Variants in MAF observed in about 807,000 individuals in gnomAD.
The protein encoded by MAF is MAF bZIP transcription factor.
In MAF, 10 loss-of-function variants were observed where a neutral mutation model predicts 22.0. The ratio of observed to expected loss-of-function variants is 0.45; its 90% CI spans 0.28 to 0.77. MAF has a LOEUF of 0.77. Ranked by LOEUF, MAF falls within the 30% of genes least tolerant of loss-of-function variation. The pLI, the probability that MAF is intolerant of heterozygous loss-of-function variation, is 0.12. For synonymous variants in MAF, 337 were observed against 255.8 expected (o/e 1.32, Z -3.03); for missense variants, 544 against 548.4 (o/e 0.99, Z 0.08).
chr16:79,518,056 T>A, the MAF span, among the ~76,000 whole-genome samples: 3 of 152,248 alleles, frequency 2.0e-5, no homozygotes, highest in Non-Finnish European at 4.4e-5. Flanking sequence ...AGCACTCACT[T>A]GATGCCGGGC....
chr16:79,323,414 CTG>C, the MAF span, among the ~76,000 whole-genome samples: 2 of 152,130 alleles, frequency 1.3e-5, no homozygotes, highest in South Asian at 4.2e-4. Flanking sequence ...AAATACATCT[CTG>C]TGTTGTTTCC....
chr16:79,323,344 T>G, the MAF span, among the ~76,000 whole-genome samples: 3 of 151,722 alleles, frequency 2.0e-5, no homozygotes, highest in Non-Finnish European at 4.4e-5. Context: ...CGTGGTTATG[T>G]CAGGGACTCA....
At chr16:79,450,560 T>C in the MAF span, among the ~76,000 whole-genome samples, 1 of 152,188 alleles carries the variant, frequency 6.6e-6, no homozygotes, top group African/African-American at 2.4e-5. Context: ...ACGTGCTCAA[T>C]CCCTCAAGAA....
chr16:79,560,162 C>T, the MAF span, among the ~76,000 whole-genome samples: 6 of 151,898 alleles, frequency 4.0e-5, no homozygotes, highest in Non-Finnish European at 5.9e-5. Flanking sequence ...TCTCCTGCCT[C>T]GGCTTCCCAA....
the MAF span, among the ~76,000 whole-genome samples, chr16:79,514,766 C>T: frequency 6.6e-6 from 1 of 152,184 alleles, no homozygotes; most frequent in East Asian, 1.9e-4. Context: ...CCATTGTTTT[C>T]TGGATGCTGG....
At chr16:79,236,989 T>A in the MAF span, among the ~76,000 whole-genome samples, 6 of 151,584 alleles carry the variant, frequency 4.0e-5, no homozygotes, top group African/African-American at 1.5e-4. Flanking sequence ...ATAATGCTTA[T>A]GAGTTGGTTT....
the MAF span, among the ~76,000 whole-genome samples, chr16:79,210,062 C>G: frequency 6.6e-6 from 1 of 152,166 alleles, no homozygotes; most frequent in Admixed American, 6.5e-5. Flanking sequence ...AAATTCAGGA[C>G]CAGTGGAACT....
the MAF span, among the ~76,000 whole-genome samples, chr16:79,377,390 T>C: frequency 6.6e-6 from 1 of 152,238 alleles, no homozygotes; most frequent in Admixed American, 6.5e-5. Context: ...TTTTTCCTCG[T>C]AAATTTGTTT....
At chr16:79,248,768 T>G in the MAF span, among the ~76,000 whole-genome samples, 2 of 150,348 alleles carry the variant, frequency 1.3e-5, no homozygotes, top group African/African-American at 4.9e-5. Context: ...CCTAGATTGT[T>G]TGAAATTAAC....
the MAF span, among the ~76,000 whole-genome samples, chr16:79,442,825 T>C: frequency 6.6e-6 from 1 of 152,220 alleles, no homozygotes; most frequent in Admixed American, 6.5e-5. Flanking sequence ...AACAGCTTCA[T>C]TCTCCAAAGG....
At chr16:79,481,233 A>AT in the MAF span, among the ~76,000 whole-genome samples, 1 of 79,304 alleles carries the variant, frequency 1.3e-5, no homozygotes, top group African/African-American at 3.6e-5. Flanking sequence ...TTTCCACAAC[A>AT]GTTTTTTTTT....
chr16:79,434,040 G>C, the MAF span, among the ~76,000 whole-genome samples: 3 of 152,062 alleles, frequency 2.0e-5, no homozygotes, highest in African/African-American at 7.3e-5. Context: ...GTGTGGTAGT[G>C]ACTGTTCTCC....
the MAF span, among the ~76,000 whole-genome samples, chr16:79,335,139 C>T: frequency 2.0e-5 from 3 of 149,000 alleles, no homozygotes; most frequent in African/African-American, 5.0e-5. Context: ...AATCCAAGAT[C>T]GCGCCACTGC....
the MAF span, among the ~76,000 whole-genome samples, chr16:79,464,001 C>T: frequency 2.0e-5 from 3 of 151,218 alleles, no homozygotes; most frequent in East Asian, 5.9e-4. Flanking sequence ...ATAAAAAGGG[C>T]TTTTTGAGCT....
chr16:79,414,182 G>A, the MAF span, among the ~76,000 whole-genome samples: 2 of 152,210 alleles, frequency 1.3e-5, no homozygotes, highest in Non-Finnish European at 2.9e-5. Flanking sequence ...AAGTGTGAGA[G>A]TGTCTTGGTC....
At chr16:79,589,323 C>T (rs758524986), downstream of MAF, among the ~76,000 whole-genome samples, 8 of 152,172 alleles carry the variant, frequency 5.3e-5, no homozygotes, top group Non-Finnish European at 1.2e-4. Context: ...GAGCAATCCT[C>T]ATAAAGTTTG....
At chr16:79,238,011 C>A in the MAF span, among the ~76,000 whole-genome samples, 1 of 152,096 alleles carries the variant, frequency 6.6e-6, no homozygotes, top group African/African-American at 2.4e-5. Flanking sequence ...TGGCCTGTGT[C>A]ACCTTTTGAC....
chr16:79,208,837 C>G, the MAF span, among the ~76,000 whole-genome samples: 1 of 152,184 alleles, frequency 6.6e-6, no homozygotes, highest in Non-Finnish European at 1.5e-5. Context: ...ATTGGTACGG[C>G]TGAAAATTCT....
Position 79,596,463 on chromosome 16 carries a change from G to C in MAF, c.1119-1910C>G, listed in dbSNP as rs1913530710. On this transcript the variant is annotated intron_variant, in intron 1 of 1. Transcript: ENST00000326043. ...TGGGCCCAGTTAAACTGTACACTAA[G>C]AAACTGAGTACAGAATCAAAAAAAA... The C allele has an allele frequency of 6.7e-6, 7 of 1,051,580 alleles. No individual in the cohort carries two copies. In the South Asian group the frequency reaches 1.8e-4, roughly 28 times the overall value. 65.1% of individuals were successfully genotyped at this position (1,051,580 alleles called of 1,614,324 possible). A position where few individuals can be genotyped will look rare whatever the true frequency, so the allele number is the denominator to read the frequency against.
Sources: gnomAD v4.1 joint callset for allele counts (sites outside exome capture counted in the v4.1 genomes callset) on GRCh38, gnomAD v4.1.1 for gene constraint, MANE v1.5 for transcripts, NCBI Gene and HGNC (gene_info 2026-07-23, HGNC 2026-07-21) for gene names.